GGTA1: variants seen among roughly 807,000 people sequenced by gnomAD.
GGTA1 encodes glycoprotein alpha-galactosyltransferase 1 (inactive).
GGTA1 carries 5 observed loss-of-function variants against 2.6 expected under a neutral mutation model. That is an observed-to-expected ratio of 1.92 (90% CI 1.00 to 4.04). The LOEUF is 4.04. Among genes scored for constraint, GGTA1 ranks in the 30% most tolerant of loss-of-function variants. The pLI is 0.00. For synonymous variants in GGTA1, 17 were observed against 5.0 expected (o/e 3.38, Z -3.19); for missense variants, 50 against 16.7 (o/e 2.99, Z -3.47).
intron 1 of GGTA1, among the ~76,000 whole-genome samples, chr9:121,487,632 C>G (rs1385071934): frequency 1.3e-5 from 2 of 151,352 alleles, no homozygotes; most frequent in Non-Finnish European, 2.9e-5. Flanking sequence ...TAAGAACCAG[C>G]GCACTAGCGC....
At chr9:121,446,981 G>A (rs934109401) in exon 8 of GGTA1, 4 of 152,240 alleles carry the variant, frequency 2.6e-5, no homozygotes, top group African/African-American at 4.8e-5. Flanking sequence ...CTGAAGGCAG[G>A]CCTATATGAT....
chr9:121,457,175 C>T (rs1285781934), intron 5 of GGTA1, among the ~76,000 whole-genome samples: 1 of 152,154 alleles, frequency 6.6e-6, no homozygotes, highest in African/African-American at 2.4e-5. Flanking sequence ...GAAAAGGTCT[C>T]CCAGACTGTG....
chr9:121,464,593 C>T (rs140776484), intron 2 of GGTA1, among the ~76,000 whole-genome samples: 10 of 127,310 alleles, frequency 7.9e-5, no homozygotes, highest in African/African-American at 2.7e-4. Context: ...TTCCAAAGTA[C>T]TGAGACTCCA....
chr9:121,468,118 C>G (rs1828296069), intron 1 of GGTA1, among the ~76,000 whole-genome samples, 187 bp from the exon 2 acceptor site: 1 of 152,140 alleles, frequency 6.6e-6, no homozygotes, highest in Non-Finnish European at 1.5e-5. Flanking sequence ...GTGGTGCACC[C>G]AGCAACCCAT....
In GGTA1 at chr9:121,477,407, A is replaced by G. The variant is rs140400887; in HGVS notation, c.-9-9476T>C. 3.6e-3 allele frequency among the ~76,000 whole-genome samples: 541 copies of G among 152,300 alleles called. 4 individuals carry two copies. Among genetic ancestry groups the G allele is most frequent in the African/African-American group, 0.012 (503 of 41,546 alleles). ...ACATGACAGGTGTATCAGACAGTTAAGTAATACTAATCATTTTTGTATTAG... is the reference window on the plus strand; with the variant it reads ...ACATGACAGGTGTATCAGACAGTTAGGTAATACTAATCATTTTTGTATTAG... On this transcript the variant is annotated intron_variant, in intron 1 of 5. Coordinates refer to ENST00000481799, the MANE Select transcript of GGTA1 (RefSeq NM_001382585.1).
intron 1 of GGTA1, among the ~76,000 whole-genome samples, chr9:121,480,641 T>C (rs1431379776): frequency 1.3e-5 from 2 of 152,134 alleles, no homozygotes; most frequent in Non-Finnish European, 2.9e-5. Flanking sequence ...CTTCCTCCCG[T>C]TCCCCAGAAG....
At chr9:121,449,159 G>A (rs1405287125) in intron 7 of GGTA1, among the ~76,000 whole-genome samples, 1 of 152,154 alleles carries the variant, frequency 6.6e-6, no homozygotes. Context: ...ATAGTCCATT[G>A]TCTGAATGTG....
intron 1 of GGTA1, among the ~76,000 whole-genome samples, chr9:121,486,770 AG>A (rs2118754299): frequency 6.6e-6 from 1 of 152,372 alleles, no homozygotes; most frequent in Admixed American, 6.5e-5. Context: ...CATAAAAGGC[AG>A]GGCTTTTATA....
chr9:121,492,211 C>T (rs1268291287), intron 1 of GGTA1, among the ~76,000 whole-genome samples: 5 of 152,194 alleles, frequency 3.3e-5, no homozygotes, highest in Non-Finnish European at 7.3e-5. Flanking sequence ...ATTTCCCTTG[C>T]AGGTTTTTGG....
At chr9:121,478,966 C>T (rs1465855914) in intron 1 of GGTA1, 1 of 436,632 alleles carries the variant, frequency 2.3e-6, no homozygotes, top group Non-Finnish European at 4.5e-6. Flanking sequence ...CCCCCTGCTC[C>T]TGCATTAACA....
At chr9:121,464,998 A>T (rs2064993287) in intron 2 of GGTA1, among the ~76,000 whole-genome samples, 1 of 148,524 alleles carries the variant, frequency 6.7e-6, no homozygotes, top group Non-Finnish European at 1.5e-5. Context: ...CAAAAAAACA[A>T]AACAAACAAA....
intron 1 of GGTA1, among the ~76,000 whole-genome samples, chr9:121,486,635 T>G (rs909625590): frequency 6.6e-6 from 1 of 152,204 alleles, no homozygotes; most frequent in African/African-American, 2.4e-5. Context: ...TCATTGCCTG[T>G]GTCTCAGTCC....
downstream of GGTA1, among the ~76,000 whole-genome samples, chr9:121,450,671 G>A (rs2118746015): frequency 6.6e-6 from 1 of 152,288 alleles, no homozygotes; most frequent in Middle Eastern, 3.4e-3. Context: ...ACGTGGCTGG[G>A]TTATCCCCTT....
chr9:121,485,229 G>A (rs1488632702), intron 1 of GGTA1, among the ~76,000 whole-genome samples: 1 of 152,126 alleles, frequency 6.6e-6, no homozygotes, highest in Non-Finnish European at 1.5e-5. Flanking sequence ...AGGCCACATG[G>A]GCCTACCTTC....
At position 121,473,520 on chromosome 9, in the gene GGTA1, C is replaced by G. The variant is rs1828439543; in HGVS notation, c.-9-5589G>C. 3.3e-5 allele frequency among the ~76,000 whole-genome samples: 5 copies of G among 152,050 alleles called. No individual in the cohort carries two copies. The South Asian group carries it at 1.0e-3, about 31-fold the overall frequency. ...TTTCTCTCTGGACAAAAAAATGAGG[C>G]ATTTGGCAGCCATTGTGGTCTAAAA... On this transcript the variant is annotated intron_variant, in intron 1 of 5. Transcript: ENST00000481799.
At chr9:121,474,745 T>G (rs1465635198) in intron 1 of GGTA1, among the ~76,000 whole-genome samples, 1 of 152,136 alleles carries the variant, frequency 6.6e-6, no homozygotes, top group African/African-American at 2.4e-5. Context: ...CTGAATGCCA[T>G]GCACTCAGAT....
At chr9:121,448,856 C>T (rs1349046076) in intron 7 of GGTA1, among the ~76,000 whole-genome samples, 2 of 152,198 alleles carry the variant, frequency 1.3e-5, no homozygotes, top group Non-Finnish European at 2.9e-5. Flanking sequence ...TTAGGGTTCA[C>T]TCTTGGTGTG....
At position 121,486,223 on chromosome 9, in the gene GGTA1, C is replaced by T. The variant is rs79928110; in HGVS notation, c.-10+13427G>A. Among the ~76,000 whole-genome samples the T allele has an allele frequency of 8.5e-3, 1,292 of 152,292 alleles. 18 individuals are homozygous for T. The highest frequency in any genetic ancestry group is 0.03 in the African/African-American group (1,230 of 41,550). ...CTGCAAGGGCTATCTGACAGGAGAA[C>T]AGTGTTTTTGAACTTTACAGCTGAA... On this transcript the variant is annotated intron_variant, in intron 1 of 5. Transcript: ENST00000481799.
chr9:121,455,221 A>G lies in GGTA1; in HGVS notation c.*616T>C, dbSNP rs2064900638. 6.6e-6 allele frequency: 1 copy of G among 152,074 alleles called. No individual in the cohort carries two copies. Among genetic ancestry groups the G allele is most frequent in the Non-Finnish European group, 1.5e-5 (1 of 68,020 alleles). 9.4% of individuals were successfully genotyped at this position (152,074 alleles called of 1,614,324 possible). A position where few individuals can be genotyped will look rare whatever the true frequency, so the allele number is the denominator to read the frequency against. ...AAACCAAAAACCAAAAAACACCCAC[A>G]CAGCTGTCTTATACTTCTGTAACCA... On this transcript the variant is annotated 3_prime_UTR_variant, in exon 6 of 6. Transcript: ENST00000481799.
Sources: allele counts gnomAD v4.1 joint callset (sites outside exome capture counted in the v4.1 genomes callset), GRCh38; gene constraint gnomAD v4.1.1; transcripts MANE v1.5; gene names NCBI Gene and HGNC (gene_info 2026-07-23, HGNC 2026-07-21).